Variants in GRIP1 observed in about 807,000 individuals in gnomAD.
GRIP1 encodes the protein glutamate receptor-interacting protein 1.
GRIP1 carries 45 observed loss-of-function variants against 129.9 expected under a neutral mutation model. That is an observed-to-expected ratio of 0.35 (90% CI 0.27 to 0.44). The LOEUF (loss-of-function observed/expected upper bound fraction) is 0.44. Among genes scored for constraint, GRIP1 ranks in the 20% least tolerant of loss-of-function variants. The probability of loss-of-function intolerance (pLI) is 1.00; values close to 1 mark genes in which losing one functional copy is unlikely to be tolerated. For missense variants in GRIP1, 1,196 were observed against 1,396.8 expected (o/e 0.86, Z 2.29); for synonymous variants, 530 against 520.8 (o/e 1.02, Z -0.24).
intron 1 of GRIP1, among the ~76,000 whole-genome samples, chr12:66,892,170 G>T (rs2040671350): frequency 6.6e-6 from 1 of 152,114 alleles, no homozygotes; most frequent in African/African-American, 2.4e-5. Flanking sequence ...TGGTGACAGG[G>T]TAGTGACAGC....
intron 1 of GRIP1, among the ~76,000 whole-genome samples, chr12:66,922,353 C>A (rs116490229): frequency 0.024 from 3,652 of 152,264 alleles, 74 homozygotes; most frequent in African/African-American, 0.051. Flanking sequence ...AAAACCAGGA[C>A]TCCGTGTTCT....
At chr12:66,403,284 C>T (rs760097442) in intron 16 of GRIP1, among the ~76,000 whole-genome samples, 7 of 152,070 alleles carry the variant, frequency 4.6e-5, no homozygotes, top group African/African-American at 7.3e-5. Flanking sequence ...CCTCATCCCC[C>T]GTCTACCCTC....
At chr12:66,993,212 GA>G (rs1295672963) in intron 1 of GRIP1, among the ~76,000 whole-genome samples, 2 of 151,896 alleles carry the variant, frequency 1.3e-5, no homozygotes, top group East Asian at 3.8e-4. Flanking sequence ...TCAGTGCTTA[GA>G]GGGAAATTTA....
At chr12:66,568,376 C>G (rs2139473784) in intron 2 of GRIP1, 1 of 168,760 alleles carries the variant, frequency 5.9e-6, no homozygotes, top group African/African-American at 2.4e-5. Flanking sequence ...GATCCTCTTT[C>G]AAGAAAAAAT....
intron 1 of GRIP1, chr12:67,068,976 C>A (rs2043687204): frequency 1.2e-5 from 8 of 692,020 alleles, no homozygotes; most frequent in Non-Finnish European, 1.4e-5. Context: ...GGGAGGGAGC[C>A]GGGGAGAGGG....
intron 1 of GRIP1, among the ~76,000 whole-genome samples, chr12:66,671,946 G>C (rs1592726632): frequency 6.6e-6 from 1 of 152,106 alleles, no homozygotes; most frequent in East Asian, 1.9e-4. Context: ...CTGAAAACTG[G>C]GAAACAAACT....
intron 1 of GRIP1, among the ~76,000 whole-genome samples, chr12:66,981,006 T>A (rs748730657): frequency 3.9e-5 from 6 of 152,224 alleles, no homozygotes; most frequent in Non-Finnish European, 8.8e-5. Flanking sequence ...GTTTCCTACT[T>A]TTCCTAGGGC....
chr12:66,432,689 T>A, intron 13 of GRIP1, 61 bp from the exon 14 acceptor site: 1 of 890,220 alleles, frequency 1.1e-6, no homozygotes, highest in Non-Finnish European at 1.9e-6. Flanking sequence ...CACCCATCAA[T>A]AAAAATGCAT....
At chr12:66,748,110 C>G (rs1566000907) in intron 1 of GRIP1, among the ~76,000 whole-genome samples, 1 of 152,050 alleles carries the variant, frequency 6.6e-6, no homozygotes, top group Non-Finnish European at 1.5e-5. Context: ...CCTCCACCTT[C>G]TGGGTTTAAG....
At chr12:66,620,207 G>A (rs192286922) in intron 1 of GRIP1, among the ~76,000 whole-genome samples, 27 of 152,260 alleles carry the variant, frequency 1.8e-4, no homozygotes, top group Admixed American at 1.3e-3. Context: ...ACGGTACCCT[G>A]GCAGTCTTAG....
At chr12:66,766,792 T>C (rs2037654462) in intron 1 of GRIP1, among the ~76,000 whole-genome samples, 1 of 152,220 alleles carries the variant, frequency 6.6e-6, no homozygotes, top group African/African-American at 2.4e-5. Context: ...TGGATTTTAT[T>C]TAGTGGAATT....
At chr12:66,495,348 T>C (rs933404445) in intron 7 of GRIP1, among the ~76,000 whole-genome samples, 10 of 152,226 alleles carry the variant, frequency 6.6e-5, no homozygotes, top group African/African-American at 2.4e-4. Flanking sequence ...AGCTTTCTAG[T>C]GTATCATCAG....
intron 1 of GRIP1, among the ~76,000 whole-genome samples, chr12:66,791,486 T>A (rs1284099854): frequency 6.6e-6 from 1 of 152,132 alleles, no homozygotes; most frequent in Non-Finnish European, 1.5e-5. Context: ...ACAGTTTTTT[T>A]CTTCCAGTAA....
At chr12:67,017,098 C>A (rs1056285601) in intron 1 of GRIP1, among the ~76,000 whole-genome samples, 1 of 152,140 alleles carries the variant, frequency 6.6e-6, no homozygotes, top group South Asian at 2.1e-4. Context: ...AATCTGCTTT[C>A]TAGGAATTTA....
intron 1 of GRIP1, among the ~76,000 whole-genome samples, chr12:66,813,849 T>C (rs1340039802): frequency 1.3e-5 from 2 of 152,138 alleles, no homozygotes; most frequent in East Asian, 3.9e-4. Flanking sequence ...TAGAACTCAG[T>C]GCACAGTGTT....
chr12:66,535,057 G>A (rs7977436), intron 4 of GRIP1, among the ~76,000 whole-genome samples: 2,847 of 151,982 alleles, frequency 0.019, 95 homozygotes, highest in African/African-American at 0.066. Flanking sequence ...TCTTCCCTTC[G>A]CGCTGCACCC....
intron 1 of GRIP1, among the ~76,000 whole-genome samples, chr12:66,651,463 C>T (rs969855580): frequency 2.0e-5 from 3 of 152,162 alleles, no homozygotes; most frequent in African/African-American, 7.2e-5. Context: ...AGCTTTTTCC[C>T]CAGCATTCTC....
In GRIP1 at chr12:66,472,425, T is replaced by C. The variant is rs2059463957; in HGVS notation, c.725-7003A>G. Among the ~76,000 whole-genome samples the C allele has an allele frequency of 2.6e-5, 4 of 152,242 alleles. No individual in the cohort carries two copies. In the South Asian group the frequency reaches 8.3e-4, roughly 32 times the overall value. ...GAATCTCATGAAGTTTCTAGTTACT[T>C]TTTTCTTTTTAACATACTGTTTGCA... On this transcript the variant is annotated intron_variant, in intron 7 of 24. Coordinates refer to ENST00000359742, the MANE Select transcript of GRIP1 (RefSeq NM_001366722.1).
chr12:66,942,699 A>AG (rs1477629558), intron 1 of GRIP1, among the ~76,000 whole-genome samples: 3 of 152,174 alleles, frequency 2.0e-5, no homozygotes, highest in African/African-American at 7.2e-5. Flanking sequence ...CTTGGTAAAG[A>AG]GGGGGCAGTG....
Sources: allele counts gnomAD v4.1 joint callset (sites outside exome capture counted in the v4.1 genomes callset), GRCh38; gene constraint gnomAD v4.1.1; transcripts MANE v1.5; gene names NCBI Gene and HGNC (gene_info 2026-07-23, HGNC 2026-07-21).